CORO1C: variants seen among roughly 807,000 people sequenced by gnomAD.
CORO1C encodes the protein coronin 1C.
A neutral mutation model predicts 51.2 loss-of-function variants in CORO1C; 14 were observed. That is an observed-to-expected ratio of 0.27 (90% CI 0.18 to 0.43). The LOEUF (loss-of-function observed/expected upper bound fraction) is 0.43. CORO1C is among the 20% of genes least tolerant of loss of function. CORO1C has a pLI of 1.00. For synonymous variants in CORO1C, 181 were observed against 210.5 expected (o/e 0.86, Z 1.21); for missense variants, 417 against 607.8 (o/e 0.69, Z 3.30).
intron 2 of CORO1C, among the ~76,000 whole-genome samples, chr12:108,699,079 C>T (rs1210470481): frequency 1.3e-5 from 2 of 152,166 alleles, no homozygotes; most frequent in Non-Finnish European, 2.9e-5. Flanking sequence ...GAAAGACCCT[C>T]GATGCTCCTC....
chr12:108,686,092 G>A (rs539580811), intron 2 of CORO1C, among the ~76,000 whole-genome samples: 29 of 152,168 alleles, frequency 1.9e-4, no homozygotes, highest in Non-Finnish European at 3.7e-4. Context: ...TACTAATAAC[G>A]GCCTTATATG....
intron 3 of CORO1C, among the ~76,000 whole-genome samples, chr12:108,666,861 G>GA (rs2033499644): frequency 6.6e-6 from 1 of 152,154 alleles, no homozygotes; most frequent in Non-Finnish European, 1.5e-5. Flanking sequence ...ACCCTAATAG[G>GA]AAATACTGCA....
intron 3 of CORO1C, among the ~76,000 whole-genome samples, chr12:108,670,121 A>G (rs1445401966): frequency 2.6e-5 from 4 of 152,212 alleles, no homozygotes; most frequent in Non-Finnish European, 5.9e-5. Flanking sequence ...AGAAAACAAA[A>G]CAAAACAAAA....
intron 2 of CORO1C, among the ~76,000 whole-genome samples, chr12:108,680,590 C>T (rs952748966): frequency 6.6e-6 from 1 of 152,152 alleles, no homozygotes; most frequent in Non-Finnish European, 1.5e-5. Flanking sequence ...CCCTCAACCT[C>T]GGTTCCTCAT....
intron 2 of CORO1C, among the ~76,000 whole-genome samples, chr12:108,687,868 A>G (rs1422156423): frequency 6.6e-6 from 1 of 152,016 alleles, no homozygotes; most frequent in African/African-American, 2.4e-5. Flanking sequence ...CTTCCTATCA[A>G]TCTTACTGGA....
chr12:108,684,684 C>A (rs755322771), intron 2 of CORO1C, among the ~76,000 whole-genome samples: 1 of 152,000 alleles, frequency 6.6e-6, no homozygotes, highest in Non-Finnish European at 1.5e-5. Flanking sequence ...CTACCTGTAT[C>A]TGTTATGCTT....
chr12:108,695,694 C>T (rs963544494), intron 2 of CORO1C, among the ~76,000 whole-genome samples: 10 of 151,992 alleles, frequency 6.6e-5, no homozygotes, highest in African/African-American at 2.4e-4. Context: ...AAGATCTCTT[C>T]CTCAACCAAC....
intron 1 of CORO1C, among the ~76,000 whole-genome samples, chr12:108,702,606 G>C (rs570995684): frequency 6.6e-6 from 1 of 152,174 alleles, no homozygotes; most frequent in Non-Finnish European, 1.5e-5. Flanking sequence ...AATGGAACAT[G>C]GTTCAACATC....
intron 1 of CORO1C, among the ~76,000 whole-genome samples, chr12:108,719,188 A>C (rs1318539784): frequency 6.6e-6 from 1 of 152,226 alleles, no homozygotes; most frequent in Non-Finnish European, 1.5e-5. Context: ...ACTAAAGAGA[A>C]ATTATCTATT....
intron 1 of CORO1C, among the ~76,000 whole-genome samples, chr12:108,717,875 G>A (rs529750109): frequency 2.6e-5 from 4 of 152,092 alleles, no homozygotes; most frequent in Admixed American, 6.5e-5. Flanking sequence ...ACTTTTGCTC[G>A]CAAAAGTGTC....
At chr12:108,702,571 G>A (rs1025993537) in intron 1 of CORO1C, among the ~76,000 whole-genome samples, 2 of 152,162 alleles carry the variant, frequency 1.3e-5, no homozygotes, top group Non-Finnish European at 2.9e-5. Flanking sequence ...TAGATAGAAG[G>A]AGCCTGGATA....
chr12:108,664,038 A>G (rs1296369946), intron 3 of CORO1C, among the ~76,000 whole-genome samples: 3 of 152,226 alleles, frequency 2.0e-5, no homozygotes, highest in Non-Finnish European at 4.4e-5. Flanking sequence ...CCTCTAAGAA[A>G]AGGGCTGAGT....
intron 1 of CORO1C, among the ~76,000 whole-genome samples, chr12:108,706,132 A>C (rs897722852): frequency 6.7e-6 from 1 of 148,502 alleles, no homozygotes; most frequent in Admixed American, 6.9e-5. Context: ...AGTTGCAGTA[A>C]GCCGAGACAG....
Position 108,658,915 on chromosome 12 carries a change from A to G in CORO1C, c.453T>C (p.Cys151=), listed in dbSNP as rs756869306. 6 of 1,601,676 alleles carry G rather than the reference A, an allele frequency of 3.7e-6. No homozygotes were observed. The highest frequency in any genetic ancestry group is 2.2e-5 in the South Asian group (2 of 90,870). Reference sequence around the variant, plus strand: ...CATTCCAGATGATAATGGCATTATCACAGCCTAAAACAGGCAAAACCATCA... The same window carrying G: ...CATTCCAGATGATAATGGCATTATCGCAGCCTAAAACAGGCAAAACCATCA... The part of the protein sequence containing the change: ...TARNVLLSAG[C]DNAIIIWNVG... Residue 151 remains cysteine, a synonymous_variant, in exon 5 of 11, where the codon TGT becomes TGC. Transcript: ENST00000261401. This position sits in a 1 kb window ranked among gnomAD's most constrained non-coding sequence, Gnocchi z 4.9.
intron 7 of CORO1C, 89 bp downstream of exon 7, chr12:108,654,217 A>T (rs1662255705): frequency 1.2e-6 from 1 of 857,532 alleles, no homozygotes; most frequent in Non-Finnish European, 2.0e-6. Context: ...AATTAAACAG[A>T]TACAACACAT....
chr12:108,691,801 A>G (rs1386147388), intron 2 of CORO1C, among the ~76,000 whole-genome samples: 1 of 152,208 alleles, frequency 6.6e-6, no homozygotes, highest in East Asian at 1.9e-4. Context: ...GAAGCTGGCC[A>G]AGGAAACGCA....
chr12:108,649,188 CAG>C, intron 8 of CORO1C, 168 bp from the exon 9 acceptor site: 1 of 714,028 alleles, frequency 1.4e-6, no homozygotes, highest in African/African-American at 1.8e-5. Flanking sequence ...TCCCGGTTGA[CAG>C]ATGAGAGAAC....
intron 3 of CORO1C, 129 bp downstream of exon 3, chr12:108,678,139 AACAG>A (rs1411348080): frequency 7.5e-6 from 5 of 670,436 alleles, no homozygotes; most frequent in Non-Finnish European, 1.2e-5. Context: ...TGTAAAATCC[AACAG>A]ACAGTCAAAA....
intron 3 of CORO1C, among the ~76,000 whole-genome samples, chr12:108,673,776 C>G (rs371085354): frequency 6.6e-6 from 1 of 152,008 alleles, no homozygotes; most frequent in African/African-American, 2.4e-5. Flanking sequence ...ATACCTAATG[C>G]TAAATGATGA....
Sources: gnomAD v4.1 joint callset for allele counts (sites outside exome capture counted in the v4.1 genomes callset) on GRCh38, gnomAD v4.1.1 for gene constraint, Gnocchi (gnomAD v3.1) non-coding constraint, MANE v1.5 for transcripts, NCBI Gene and HGNC (gene_info 2026-07-23, HGNC 2026-07-21) for gene names.